DCT: variants seen among roughly 807,000 people sequenced by gnomAD.
DCT encodes L-dopachrome tautomerase.
A neutral mutation model predicts 53.0 loss-of-function variants in DCT; 47 were observed. The observed-to-expected ratio is 0.89, with a 90% CI of 0.70 to 1.13. The LOEUF (loss-of-function observed/expected upper bound fraction) is 1.13. Ranked by LOEUF, DCT falls within the 50% of genes most tolerant of loss-of-function variation. The pLI, the probability that DCT is intolerant of heterozygous loss-of-function variation, is 0.00. For synonymous variants in DCT, 244 were observed against 237.0 expected, an observed-to-expected ratio of 1.03 and a Z score of -0.27; for missense variants, 669 against 637.4, an observed-to-expected ratio of 1.05 and a Z score of -0.53.
chr13:94,515,726 C>G, the DCT span, among the ~76,000 whole-genome samples: 5 of 152,150 alleles, frequency 3.3e-5, no homozygotes, highest in Admixed American at 2.6e-4. Context: ...CTTACAGTAG[C>G]AATGCAGGTC....
At chr13:94,459,298 G>C (rs536127831) in intron 6 of DCT, among the ~76,000 whole-genome samples, 1 of 152,182 alleles carries the variant, frequency 6.6e-6, no homozygotes, top group African/African-American at 2.4e-5. Flanking sequence ...CCTATTTACT[G>C]TCTGTATTAT....
the DCT span, among the ~76,000 whole-genome samples, chr13:94,491,344 C>G: frequency 6.6e-6 from 1 of 152,136 alleles, no homozygotes; most frequent in South Asian, 2.1e-4. Context: ...TGATGTTCTT[C>G]TTGTGTTCAA....
the DCT span, among the ~76,000 whole-genome samples, chr13:94,492,326 T>C: frequency 1.3e-5 from 2 of 152,172 alleles, no homozygotes; most frequent in African/African-American, 4.8e-5. Context: ...TCCACAGAAC[T>C]CTTTTGCTTC....
At chr13:94,491,127 A>C in the DCT span, among the ~76,000 whole-genome samples, 1 of 152,186 alleles carries the variant, frequency 6.6e-6, no homozygotes, top group Non-Finnish European at 1.5e-5. Flanking sequence ...AACCATAGAG[A>C]GTAAAGAGTT....
At chr13:94,502,461 G>T in the DCT span, among the ~76,000 whole-genome samples, 1 of 152,156 alleles carries the variant, frequency 6.6e-6, no homozygotes, top group Non-Finnish European at 1.5e-5. Context: ...TGGGAGAGTG[G>T]CCTGAGCTCC....
At chr13:94,496,758 A>G in the DCT span, among the ~76,000 whole-genome samples, 2 of 152,218 alleles carry the variant, frequency 1.3e-5, no homozygotes, top group Non-Finnish European at 2.9e-5. Context: ...GGAAATGCAC[A>G]ACAGCAGGCT....
intron 6 of DCT, among the ~76,000 whole-genome samples, chr13:94,450,624 T>C (rs1208518512): frequency 6.6e-6 from 1 of 151,998 alleles, no homozygotes; most frequent in Non-Finnish European, 1.5e-5. Flanking sequence ...TCTAAACCCT[T>C]GAGGAAAAAA....
At chr13:94,478,159 C>A (rs1019235686) in intron 1 of DCT, among the ~76,000 whole-genome samples, 5 of 131,852 alleles carry the variant, frequency 3.8e-5, no homozygotes, top group Admixed American at 1.5e-4. Flanking sequence ...CCCCGCCCGC[C>A]CCCCCCACCC....
chr13:94,467,490 A>T (rs1028477557), intron 2 of DCT: 2 of 152,240 alleles, frequency 1.3e-5, no homozygotes, highest in African/African-American at 2.4e-5. Flanking sequence ...CTCTTGAGAG[A>T]GTACTCTCTC....
chr13:94,478,833 A>G, intron 1 of DCT, 128 bp downstream of exon 1: 1 of 920,718 alleles, frequency 1.1e-6, no homozygotes, highest in Non-Finnish European at 1.6e-6. Flanking sequence ...GCTTCCGACC[A>G]AAACCATCAT....
intron 6 of DCT, among the ~76,000 whole-genome samples, chr13:94,451,032 G>T (rs1883045491): frequency 6.6e-6 from 1 of 152,024 alleles, no homozygotes; most frequent in South Asian, 2.1e-4. Flanking sequence ...GTGACATTTA[G>T]CACCTGTGAA....
chr13:94,489,413 C>T, the DCT span, among the ~76,000 whole-genome samples: 1 of 152,160 alleles, frequency 6.6e-6, no homozygotes, highest in Non-Finnish European at 1.5e-5. Flanking sequence ...TATTCTCTCT[C>T]AGCCTCAGAT....
At chr13:94,455,381 T>TAGAGAGAGAGAGAGAGAGAGAGAG (rs56301019) in intron 6 of DCT, among the ~76,000 whole-genome samples, 146 of 141,712 alleles carry the variant, frequency 1.0e-3, no homozygotes, top group African/African-American at 3.4e-3. Flanking sequence ...GACTGTCTCT[T>TAGAGAGAGAGAGAGAGAGAGAGAG]AGAGAGAGAG....
chr13:94,443,404 T>C (rs781488334), intron 7 of DCT, 32 bp downstream of exon 7: 2 of 1,506,006 alleles, frequency 1.3e-6, no homozygotes, highest in African/African-American at 1.4e-5. Flanking sequence ...AGAAGATGAA[T>C]GAATCACCCA....
At chr13:94,477,811 A>G (rs149898794) in intron 1 of DCT, among the ~76,000 whole-genome samples, 117 of 152,320 alleles carry the variant, frequency 7.7e-4, no homozygotes, top group African/African-American at 2.6e-3. Flanking sequence ...AAGTATTTTT[A>G]AAAGGAAAAA....
In DCT at chr13:94,479,205, G is replaced by T. The variant is rs778417103; in HGVS notation, c.51C>A (p.Ile17=). ...GFLLSCLGCK[I]LPGAQGQFPR... is the part of the protein sequence containing the mutation. ...GGAACTGACCCTGGGCTCCTGGCAGGATTTTGCAGCCCAAGCAACTGAGCA... is the reference window on the plus strand; with the variant it reads ...GGAACTGACCCTGGGCTCCTGGCAGTATTTTGCAGCCCAAGCAACTGAGCA... Residue 17 remains isoleucine (I), a synonymous_variant, in exon 1 of 8, where the codon ATC becomes ATA. Transcript: ENST00000377028. The T allele has an allele frequency of 8.7e-6, 14 of 1,607,882 alleles. No homozygotes were observed. In the South Asian group the frequency reaches 1.2e-4, roughly 14 times the overall value.
the DCT span, among the ~76,000 whole-genome samples, chr13:94,545,337 C>G: frequency 6.6e-6 from 1 of 152,080 alleles, no homozygotes; most frequent in African/African-American, 2.4e-5. Flanking sequence ...AGCCCCTTAT[C>G]TACAATAAAC....
the DCT span, among the ~76,000 whole-genome samples, chr13:94,517,005 T>G: frequency 6.6e-6 from 1 of 152,182 alleles, no homozygotes; most frequent in East Asian, 1.9e-4. Context: ...GAAACAAGTT[T>G]GTACAAAGAT....
At chr13:94,483,919 G>A (rs150002771), upstream of DCT, among the ~76,000 whole-genome samples, 1,858 of 152,230 alleles carry the variant, frequency 0.012, 19 homozygotes, top group Non-Finnish European at 0.017. Flanking sequence ...TTCCTGCTAC[G>A]ATCTAAGCAA....
Sources: gnomAD v4.1 joint callset for allele counts (sites outside exome capture counted in the v4.1 genomes callset) on GRCh38, gnomAD v4.1.1 for gene constraint, MANE v1.5 for transcripts, NCBI Gene and HGNC (gene_info 2026-07-23, HGNC 2026-07-21) for gene names.